MGMT: variants seen among roughly 807,000 people sequenced by gnomAD.
MGMT encodes methylated-DNA--protein-cysteine methyltransferase.
In MGMT, 14 loss-of-function variants were observed where a neutral mutation model predicts 15.9. That is an observed-to-expected ratio of 0.88 (90% CI 0.58 to 1.37). The LOEUF (loss-of-function observed/expected upper bound fraction) is 1.37. Ranked by LOEUF, MGMT falls within the 40% of genes most tolerant of loss-of-function variation. The pLI, the probability that MGMT is intolerant of heterozygous loss-of-function variation, is 0.00. For synonymous variants in MGMT, 130 were observed against 118.2 expected (o/e 1.10, Z -0.65); for missense variants, 282 against 268.1 (o/e 1.05, Z -0.36).
chr10:129,576,206 ACCAAAGC>A (rs1846480870), intron 2 of MGMT, among the ~76,000 whole-genome samples: 1 of 152,230 alleles, frequency 6.6e-6, no homozygotes, highest in South Asian at 2.1e-4. Context: ...TCATCCTGAT[ACCAAAGC>A]CTGGTAGAGA....
intron 3 of MGMT, among the ~76,000 whole-genome samples, chr10:129,756,875 CAT>C (rs907750256): frequency 2.6e-5 from 4 of 152,224 alleles, no homozygotes; most frequent in African/African-American, 7.2e-5. Flanking sequence ...CTATTTTCCA[CAT>C]GAGTTAATGT....
At chr10:129,662,818 T>A (rs562057176) in intron 2 of MGMT, among the ~76,000 whole-genome samples, 1 of 152,094 alleles carries the variant, frequency 6.6e-6, no homozygotes, top group African/African-American at 2.4e-5. Context: ...AAAAAGGCAT[T>A]ATAAGAGACA....
rs1178170089 is a variant in MGMT at position 129,471,781 on chromosome 10, A to AGAGC, written c.-13+4485_-13+4486insGAGC. 3.3e-5 allele frequency among the ~76,000 whole-genome samples: 5 copies of AGAGC among 152,154 alleles called. No individual in the cohort carries two copies. The East Asian group carries it at 9.7e-4, about 30-fold the overall frequency. ...GAGCACCTCTAGGGAAGGCCTTAGG[A>AGAGC]TCCTCTGGGAAGTAGCACTCTCCAG... On this transcript the variant is annotated intron_variant, in intron 1 of 4. Coordinates refer to ENST00000651593, the MANE Select transcript of MGMT (RefSeq NM_002412.5).
intron 1 of MGMT, among the ~76,000 whole-genome samples, chr10:129,515,909 G>T (rs2388331): frequency 6.6e-6 from 1 of 152,032 alleles, no homozygotes; most frequent in African/African-American, 2.4e-5. Flanking sequence ...CAGTCTTTCT[G>T]TGAAGGGTCT....
intron 2 of MGMT, among the ~76,000 whole-genome samples, chr10:129,568,207 CA>C (rs767353872): frequency 8.7e-4 from 132 of 152,230 alleles, no homozygotes; most frequent in African/African-American, 2.2e-3. Flanking sequence ...CTCCTGCCTT[CA>C]CTTGAGGTTT....
At chr10:129,482,695 A>G (rs1845370931) in intron 1 of MGMT, among the ~76,000 whole-genome samples, 1 of 152,096 alleles carries the variant, frequency 6.6e-6, no homozygotes, top group South Asian at 2.1e-4. Flanking sequence ...ATTATTTGAT[A>G]TTAGGATAGC....
At chr10:129,682,586 C>T (rs761277389) in intron 2 of MGMT, among the ~76,000 whole-genome samples, 27 of 151,902 alleles carry the variant, frequency 1.8e-4, no homozygotes, top group Non-Finnish European at 3.2e-4. Flanking sequence ...TATAAAATTT[C>T]ATTTTAAAAC....
chr10:129,745,408 C>T (rs1216608422), intron 3 of MGMT, among the ~76,000 whole-genome samples: 5 of 152,094 alleles, frequency 3.3e-5, no homozygotes, highest in Non-Finnish European at 5.9e-5. Flanking sequence ...CCTCTCCCCA[C>T]CCCCATTCCA....
At chr10:129,704,871 G>A (rs1345718589) in intron 2 of MGMT, among the ~76,000 whole-genome samples, 7 of 152,248 alleles carry the variant, frequency 4.6e-5, no homozygotes, top group East Asian at 3.9e-4. Context: ...ACAGGACAGC[G>A]TGTGAGACTG....
chr10:129,761,904 C>T (rs1848878426), intron 4 of MGMT, among the ~76,000 whole-genome samples: 1 of 152,214 alleles, frequency 6.6e-6, no homozygotes, highest in Admixed American at 6.5e-5. Context: ...CCCACAGACG[C>T]CTCAAATTAT....
chr10:129,705,623 C>A (rs1028151863), intron 2 of MGMT, among the ~76,000 whole-genome samples: 1 of 152,336 alleles, frequency 6.6e-6, no homozygotes, highest in South Asian at 2.1e-4. Context: ...GAGAACTAAT[C>A]GCTCCAGAGA....
chr10:129,511,917 G>A (rs1467844734), intron 1 of MGMT, among the ~76,000 whole-genome samples: 2 of 152,212 alleles, frequency 1.3e-5, no homozygotes, highest in African/African-American at 4.8e-5. Flanking sequence ...CTGTCTCGTG[G>A]TACCTTCTCC....
intron 1 of MGMT, 72 bp downstream of exon 1, chr10:129,467,368 G>T: frequency 7.0e-7 from 1 of 1,424,788 alleles, no homozygotes. Context: ...GCCTCGAGTG[G>T]TCCTGCAGGC....
intron 1 of MGMT, among the ~76,000 whole-genome samples, chr10:129,480,236 A>G (rs1255520094): frequency 6.6e-6 from 1 of 152,184 alleles, no homozygotes; most frequent in Non-Finnish European, 1.5e-5. Context: ...GCTTCCTCAG[A>G]TAATTGAGGA....
chr10:129,608,188 G>T (rs1487257173), intron 2 of MGMT, among the ~76,000 whole-genome samples: 2 of 152,214 alleles, frequency 1.3e-5, no homozygotes, highest in Non-Finnish European at 2.9e-5. Context: ...AGCAAAAAAT[G>T]ACTTGTCATA....
chr10:129,509,796 G>A (rs1845662345), intron 1 of MGMT, among the ~76,000 whole-genome samples: 1 of 152,162 alleles, frequency 6.6e-6, no homozygotes, highest in Non-Finnish European at 1.5e-5. Flanking sequence ...TAACTTCTGG[G>A]TTTTAGAAAG....
chr10:129,620,190 C>T (rs1156378069), intron 2 of MGMT, among the ~76,000 whole-genome samples: 1 of 152,238 alleles, frequency 6.6e-6, no homozygotes, highest in Non-Finnish European at 1.5e-5. Context: ...AGTGCTTAAG[C>T]AGCATTCTAC....
At chr10:129,602,906 T>C (rs980056257) in intron 2 of MGMT, among the ~76,000 whole-genome samples, 2 of 152,164 alleles carry the variant, frequency 1.3e-5, no homozygotes, top group African/African-American at 4.8e-5. Flanking sequence ...TAAAAAAAAG[T>C]CATCTTTAAG....
At chr10:129,617,554 T>C (rs1157752107) in intron 2 of MGMT, among the ~76,000 whole-genome samples, 1 of 152,184 alleles carries the variant, frequency 6.6e-6, no homozygotes, top group Non-Finnish European at 1.5e-5. Flanking sequence ...CAAGAGCGTA[T>C]AAGCATTCCG....
Sources: gnomAD v4.1 joint callset for allele counts (sites outside exome capture counted in the v4.1 genomes callset) on GRCh38, gnomAD v4.1.1 for gene constraint, MANE v1.5 for transcripts, NCBI Gene and HGNC (gene_info 2026-07-23, HGNC 2026-07-21) for gene names.